The following RAP1GDS1 variants were observed in gnomAD, a reference collection of about 807,000 sequenced individuals.
RAP1GDS1 encodes the protein Rap1 GTPase-GDP dissociation stimulator 1.
In RAP1GDS1, 35 loss-of-function variants were observed where a neutral mutation model predicts 71.1. The ratio of observed to expected loss-of-function variants is 0.49; its 90% CI spans 0.38 to 0.65. RAP1GDS1 has a LOEUF of 0.65. Among genes scored for constraint, RAP1GDS1 ranks in the 30% least tolerant of loss-of-function variants. The pLI is 0.00. For missense variants in RAP1GDS1, 663 were observed against 706.1 expected (o/e 0.94, Z 0.69); for synonymous variants, 229 against 243.1 (o/e 0.94, Z 0.54).
At chr4:98,331,614 A>T (rs1734028920) in intron 2 of RAP1GDS1, among the ~76,000 whole-genome samples, 1 of 152,326 alleles carries the variant, frequency 6.6e-6, no homozygotes, top group East Asian at 1.9e-4. Flanking sequence ...TAACATACAC[A>T]TACATGTAAC....
intron 1 of RAP1GDS1, among the ~76,000 whole-genome samples, chr4:98,292,077 C>T (rs966409324): frequency 1.3e-5 from 2 of 151,530 alleles, no homozygotes; most frequent in African/African-American, 2.4e-5. Context: ...GAAGAAGATA[C>T]GAGAGTCCAG....
chr4:98,427,472 A>G (rs1002649713), intron 12 of RAP1GDS1, among the ~76,000 whole-genome samples: 9 of 151,974 alleles, frequency 5.9e-5, no homozygotes, highest in Non-Finnish European at 1.0e-4. Context: ...AACCCTAAAG[A>G]CTCCTCCAAA....
chr4:98,316,479 G>C (rs947183670), intron 2 of RAP1GDS1, among the ~76,000 whole-genome samples: 9 of 152,024 alleles, frequency 5.9e-5, no homozygotes, highest in African/African-American at 2.2e-4. Flanking sequence ...GGAGTGTGAG[G>C]CCAAGTTATT....
intron 6 of RAP1GDS1, 91 bp downstream of exon 6, chr4:98,392,171 T>TTTAGA (rs1578706375): frequency 2.5e-6 from 3 of 1,215,600 alleles, no homozygotes; most frequent in East Asian, 5.1e-5. Context: ...TAGAAATCCA[T>TTTAGA]TTAGATTGTA....
intron 2 of RAP1GDS1, among the ~76,000 whole-genome samples, chr4:98,331,718 A>G (rs1426719580): frequency 6.6e-6 from 1 of 152,206 alleles, no homozygotes; most frequent in Non-Finnish European, 1.5e-5. Flanking sequence ...GATGAGAGAT[A>G]CATTCTTTGA....
chr4:98,335,600 T>C (rs1290604894), intron 2 of RAP1GDS1, among the ~76,000 whole-genome samples: 1 of 152,030 alleles, frequency 6.6e-6, no homozygotes, highest in African/African-American at 2.4e-5. Flanking sequence ...ATGTAGCTTC[T>C]TTTTAAAAAA....
At chr4:98,296,245 A>C (rs1727732062) in intron 2 of RAP1GDS1, among the ~76,000 whole-genome samples, 1 of 152,118 alleles carries the variant, frequency 6.6e-6, no homozygotes, top group African/African-American at 2.4e-5. Flanking sequence ...TTACCCTGTT[A>C]CTGGAAAGGT....
chr4:98,343,803 C>A (rs757406389), intron 3 of RAP1GDS1, among the ~76,000 whole-genome samples: 8 of 152,104 alleles, frequency 5.3e-5, no homozygotes, highest in Non-Finnish European at 1.0e-4. Flanking sequence ...ACTATTTATA[C>A]ACTGAGAGAT....
intron 1 of RAP1GDS1, among the ~76,000 whole-genome samples, chr4:98,287,787 T>C (rs763639823): frequency 1.9e-5 from 2 of 105,668 alleles, no homozygotes; most frequent in African/African-American, 6.6e-5. Context: ...TGCTCAGATA[T>C]TTTTTTTTTC....
intron 12 of RAP1GDS1, among the ~76,000 whole-genome samples, chr4:98,425,780 A>T (rs906598952): frequency 5.9e-5 from 9 of 152,160 alleles, no homozygotes; most frequent in African/African-American, 2.2e-4. Flanking sequence ...ATAGTGGGAG[A>T]CTTCAATACT....
chr4:98,348,300 C>T (rs1376598675), intron 3 of RAP1GDS1, among the ~76,000 whole-genome samples: 2 of 152,046 alleles, frequency 1.3e-5, no homozygotes, highest in African/African-American at 2.4e-5. Context: ...TGAACTCATT[C>T]GTTTTTTATG....
intron 2 of RAP1GDS1, chr4:98,296,933 G>A (rs1036853584): frequency 8.3e-6 from 3 of 363,296 alleles, no homozygotes; most frequent in Non-Finnish European, 1.1e-5. Flanking sequence ...AGACCATTTT[G>A]TGTTGCCGGG....
intron 1 of RAP1GDS1, among the ~76,000 whole-genome samples, chr4:98,291,725 G>A (rs998666586): frequency 1.3e-5 from 2 of 152,116 alleles, no homozygotes; most frequent in African/African-American, 2.4e-5. Context: ...TGTACACCTG[G>A]ACAGCCACAG....
intron 2 of RAP1GDS1, among the ~76,000 whole-genome samples, chr4:98,325,577 G>A (rs1401734299): frequency 3.3e-5 from 5 of 150,456 alleles, no homozygotes; most frequent in African/African-American, 1.2e-4. Context: ...ATACACCATG[G>A]AATACTATGC....
intron 13 of RAP1GDS1, 59 bp downstream of exon 13, chr4:98,434,121 A>C: frequency 6.3e-7 from 1 of 1,581,300 alleles, no homozygotes; most frequent in Non-Finnish European, 8.7e-7. Flanking sequence ...GAAAGGAAGT[A>C]TAGAAGTGGA....
intron 5 of RAP1GDS1, among the ~76,000 whole-genome samples, chr4:98,384,556 AATT>A (rs1232946597): frequency 1.3e-5 from 2 of 151,650 alleles, no homozygotes; most frequent in Non-Finnish European, 3.0e-5. Flanking sequence ...AAATTTGACC[AATT>A]AGACCAGGTT....
intron 2 of RAP1GDS1, among the ~76,000 whole-genome samples, chr4:98,297,515 T>G (rs1232102789): frequency 2.0e-5 from 3 of 152,216 alleles, no homozygotes; most frequent in Non-Finnish European, 4.4e-5. Flanking sequence ...TCAGACATTA[T>G]TATTATATCT....
At chr4:98,396,381 G>A (rs900442665) in intron 6 of RAP1GDS1, 1 of 152,146 alleles carries the variant, frequency 6.6e-6, no homozygotes, top group East Asian at 1.9e-4. Flanking sequence ...AGACAACCTT[G>A]TCTACCTTGC....
chr4:98,336,633 TTTCATG>T (rs1226945338), intron 2 of RAP1GDS1, among the ~76,000 whole-genome samples: 1 of 152,114 alleles, frequency 6.6e-6, no homozygotes, highest in Non-Finnish European at 1.5e-5. Flanking sequence ...AACTCTTGCA[TTTCATG>T]TTCCTTTTGT....
Sources: gnomAD v4.1 joint callset for allele counts (sites outside exome capture counted in the v4.1 genomes callset) on GRCh38, gnomAD v4.1.1 for gene constraint, MANE v1.5 for transcripts, NCBI Gene and HGNC (gene_info 2026-07-23, HGNC 2026-07-21) for gene names.